The following NBDY variants were observed in gnomAD, a reference collection of about 807,000 sequenced individuals.
NBDY encodes the protein P-body dissociating protein.
chrX:56,812,305 T>C (rs183759214), intron 2 of NBDY, among the ~76,000 whole-genome samples: 24 of 110,458 alleles, frequency 2.2e-4, no homozygotes, highest in African/African-American at 6.6e-4. Context: ...AGGGAGAACA[T>C]GCTTACTTTT....
chrX:56,783,615 C>T (rs1446443682), intron 2 of NBDY, among the ~76,000 whole-genome samples: 1 of 112,003 alleles, frequency 8.9e-6, no homozygotes, highest in Non-Finnish European at 1.9e-5. Context: ...AAACCCCAGT[C>T]GGGGAAACCC....
intron 2 of NBDY, among the ~76,000 whole-genome samples, chrX:56,786,126 T>C (rs1355337556): frequency 9.0e-6 from 1 of 110,945 alleles, no homozygotes; most frequent in Non-Finnish European, 1.9e-5. Context: ...TCTTTTTTTT[T>C]GGAGGTGGGG....
rs2069593329 is a variant in NBDY, at chrX:56,753,011, G to T, written c.*166+20812G>T. Among the ~76,000 whole-genome samples the T allele has an allele frequency of 2.7e-5, 3 of 112,636 alleles. No homozygotes were observed. The South Asian group carries it at 1.1e-3, about 41-fold the overall frequency. On this transcript the variant is annotated intron_variant, in intron 2 of 2. Coordinates refer to ENST00000374922, the MANE Select transcript of NBDY (RefSeq NM_001348129.2). The stretch of plus-strand genomic sequence containing the variant: ...TATCTAATGTGTTATCTACTTGAAG[G>T]CAAAATGAAATATCCAGAAATTTGA...
At chrX:56,766,790 C>T (rs749846077) in intron 2 of NBDY, among the ~76,000 whole-genome samples, 14 of 112,058 alleles carry the variant, frequency 1.2e-4, no homozygotes, top group African/African-American at 3.9e-4. Flanking sequence ...GGCCCCCAAG[C>T]CTTGTCCCTG....
chrX:56,756,577 A>G (rs890543380), intron 2 of NBDY, among the ~76,000 whole-genome samples: 21 of 112,121 alleles, frequency 1.9e-4, no homozygotes, highest in African/African-American at 6.5e-4. Flanking sequence ...GCCTCTGTCA[A>G]TGAATAAAAA....
chrX:56,818,925 G>A lies in NBDY; in HGVS notation c.*1772G>A, dbSNP rs1602673499. The A allele has an allele frequency of 1.0e-5, 1 of 97,632 alleles. No individual in the cohort carries two copies. Among genetic ancestry groups the A allele is most frequent in the South Asian group, 5.0e-4 (1 of 2,003 alleles). The allele number at this position is 97,632 out of a possible 1,213,427, so 8.0% of individuals were successfully genotyped here. On this transcript the variant is annotated 3_prime_UTR_variant, in exon 3 of 3. Coordinates refer to ENST00000374922, the MANE Select transcript of NBDY (RefSeq NM_001348129.2). ...CAATTAACTTCTGAGAAGGAGGCAA[G>A]ACAAAAGGGGAAATAACTATTTTCA...
At chrX:56,730,513 CAAAAAAA>C (rs1157131797) in intron 1 of NBDY, among the ~76,000 whole-genome samples, 33 of 11,211 alleles carry the variant, frequency 2.9e-3, no homozygotes, top group Non-Finnish European at 5.0e-3. Flanking sequence ...AACTACGTCT[CAAAAAAA>C]AAAAAAAAAA....
intron 2 of NBDY, among the ~76,000 whole-genome samples, chrX:56,753,486 G>A (rs59179356): frequency 0.069 from 7,411 of 107,077 alleles, 578 homozygotes; most frequent in African/African-American, 0.26. Context: ...ATGATAATCA[G>A]CATATAGGTG....
intron 2 of NBDY, chrX:56,737,587 C>T: frequency 1.7e-6 from 1 of 588,200 alleles, no homozygotes; most frequent in Non-Finnish European, 2.7e-6. Context: ...TTTTGACCTG[C>T]TTTAATTTTT....
chrX:56,786,341 C>T (rs1401673073), intron 2 of NBDY, among the ~76,000 whole-genome samples: 1 of 111,585 alleles, frequency 9.0e-6, no homozygotes, highest in Non-Finnish European at 1.9e-5. Context: ...CTTTAAAGGG[C>T]TGTGACTATG....
intron 2 of NBDY, among the ~76,000 whole-genome samples, chrX:56,767,570 G>A (rs1186336190): frequency 8.8e-6 from 1 of 113,231 alleles, no homozygotes; most frequent in African/African-American, 3.2e-5. Flanking sequence ...TGAGCTCGGC[G>A]GGCCCCGCAC....
intron 2 of NBDY, among the ~76,000 whole-genome samples, chrX:56,800,726 T>G (rs1366167140): frequency 4.5e-5 from 5 of 111,071 alleles, no homozygotes; most frequent in Non-Finnish European, 9.4e-5. Flanking sequence ...TTTCATCAAT[T>G]TCTGGTTTAG....
chrX:56,799,653 C>A (rs1274609085), intron 2 of NBDY, among the ~76,000 whole-genome samples: 1 of 113,342 alleles, frequency 8.8e-6, no homozygotes, highest in Non-Finnish European at 1.9e-5. Flanking sequence ...GAAACACCTT[C>A]CGCCGGATGG....
At chrX:56,802,429 TC>T (rs957681328) in intron 2 of NBDY, among the ~76,000 whole-genome samples, 4 of 40,628 alleles carry the variant, frequency 9.8e-5, no homozygotes, top group African/African-American at 3.5e-4. Flanking sequence ...ATGTCACCCC[TC>T]CCCCCCACCC....
chrX:56,794,194 C>A (rs2069779899), intron 2 of NBDY, among the ~76,000 whole-genome samples: 1 of 111,739 alleles, frequency 8.9e-6, no homozygotes, highest in African/African-American at 3.3e-5. Context: ...GTCGGGGAAA[C>A]CCTGGCTCAG....
At chrX:56,808,884 C>A (rs192577837) in intron 2 of NBDY, among the ~76,000 whole-genome samples, 1 of 112,707 alleles carries the variant, frequency 8.9e-6, no homozygotes, top group East Asian at 2.8e-4. Flanking sequence ...CCTGCTTTCT[C>A]TTGTGGGCAT....
intron 2 of NBDY, among the ~76,000 whole-genome samples, chrX:56,761,229 C>T (rs971105355): frequency 1.8e-5 from 2 of 112,546 alleles, no homozygotes; most frequent in Non-Finnish European, 3.8e-5. Context: ...CACTCACAAG[C>T]GTCTGCCCAG....
Position 56,739,236 on chromosome X carries a change from GTGTATATATA to G in NBDY, c.*166+7039_*166+7048del, listed in dbSNP as rs1341541470. 1.5e-4 allele frequency among the ~76,000 whole-genome samples: 9 copies of G among 58,086 alleles called. 1 individual carries two copies. The highest frequency in any genetic ancestry group is 4.1e-4 in the African/African-American group (6 of 14,708). The allele number at this position is 58,086 out of a possible 115,157, so 50.4% of individuals were successfully genotyped here. A position where few individuals can be genotyped will look rare whatever the true frequency, so the allele number is the denominator to read the frequency against. On this transcript the variant is annotated intron_variant, in intron 2 of 2. Coordinates refer to ENST00000374922, the MANE Select transcript of NBDY (RefSeq NM_001348129.2). ...TATACATATATATGTGTGTTTGTGT[GTGTATATATA>G]TATATATATATATATATGTATGTAT...
At chrX:56,799,047 C>A (rs951713898) in intron 2 of NBDY, among the ~76,000 whole-genome samples, 1 of 111,931 alleles carries the variant, frequency 8.9e-6, no homozygotes, top group African/African-American at 3.3e-5. Flanking sequence ...GAGGAACGCT[C>A]GGGAGTGCCA....
Sources: gnomAD v4.1 joint callset for allele counts (sites outside exome capture counted in the v4.1 genomes callset) on GRCh38, gnomAD v4.1.1 for gene constraint, MANE v1.5 for transcripts, NCBI Gene and HGNC (gene_info 2026-07-23, HGNC 2026-07-21) for gene names.